Variants in NAV2 observed in about 807,000 individuals in gnomAD.
The protein encoded by NAV2 is helicase, APC down-regulated 1.
NAV2 carries 54 observed loss-of-function variants against 223.2 expected under a neutral mutation model. That is an observed-to-expected ratio of 0.24 (90% CI 0.19 to 0.30). The LOEUF (loss-of-function observed/expected upper bound fraction) is 0.30, where lower values mean the gene tolerates loss of function less well. Among genes scored for constraint, NAV2 ranks in the 10% least tolerant of loss-of-function variants. The pLI, the probability that NAV2 is intolerant of heterozygous loss-of-function variation, is 1.00. For missense variants in NAV2, 2,806 were observed against 3,147.5 expected (o/e 0.89, Z 2.60); for synonymous variants, 1,279 against 1,239.3 (o/e 1.03, Z -0.67).
At chr11:19,659,725 G>A (rs2048224037) in intron 1 of NAV2, among the ~76,000 whole-genome samples, 1 of 152,096 alleles carries the variant, frequency 6.6e-6, no homozygotes, top group Non-Finnish European at 1.5e-5. Flanking sequence ...AGACATTGAA[G>A]ACAAGAGGCT....
intron 1 of NAV2, among the ~76,000 whole-genome samples, chr11:19,823,988 G>GA (rs898162992): frequency 1.3e-5 from 2 of 152,066 alleles, no homozygotes; most frequent in African/African-American, 4.8e-5. Flanking sequence ...AATCTGTTTG[G>GA]AAAAAAATCC....
intron 5 of NAV2, 77 bp downstream of exon 5, chr11:19,880,204 G>T: frequency 6.9e-7 from 1 of 1,454,500 alleles, no homozygotes; most frequent in Non-Finnish European, 9.1e-7. Context: ...AGGCTATCCT[G>T]TATGGCTTTT....
intron 1 of NAV2, among the ~76,000 whole-genome samples, chr11:19,460,103 T>C (rs550627043): frequency 7.9e-5 from 12 of 152,372 alleles, no homozygotes; most frequent in Middle Eastern, 3.4e-3. Flanking sequence ...CTGAAAGGAA[T>C]AGTGTGATTT....
rs868088248 is a variant in NAV2 at position 19,888,442 on chromosome 11, T to G, written c.771-3992T>G. ...TTCTAATGCTCCAGATGGCAGATGCTTCCAGACTGGAGGTTGATAGACATT... is the reference window on the plus strand; with the variant it reads ...TTCTAATGCTCCAGATGGCAGATGCGTCCAGACTGGAGGTTGATAGACATT... On this transcript the variant is annotated intron_variant, in intron 5 of 37. Coordinates refer to ENST00000349880, the MANE Select transcript of NAV2 (RefSeq NM_145117.5). 3.9e-5 allele frequency among the ~76,000 whole-genome samples: 6 copies of G among 152,278 alleles called. No homozygotes were observed. In the South Asian group the frequency reaches 1.0e-3, roughly 26 times the overall value.
intron 1 of NAV2, among the ~76,000 whole-genome samples, chr11:19,420,660 C>G (rs545072521): frequency 6.6e-6 from 1 of 152,268 alleles, no homozygotes; most frequent in African/African-American, 2.4e-5. Context: ...TCCATACGTA[C>G]GATTTCACTT....
chr11:19,921,734 C>T (rs2044288625), intron 6 of NAV2, among the ~76,000 whole-genome samples: 1 of 152,116 alleles, frequency 6.6e-6, no homozygotes, highest in Admixed American at 6.6e-5. Flanking sequence ...TCTTGGGTAA[C>T]TTACTTAACC....
intron 12 of NAV2, among the ~76,000 whole-genome samples, chr11:20,043,651 A>C (rs2057160985): frequency 6.6e-6 from 1 of 152,186 alleles, no homozygotes; most frequent in South Asian, 2.1e-4. Context: ...CATGATGCCC[A>C]GGCTGGTCTT....
Position 19,862,491 on chromosome 11 carries a change from T to G in NAV2, c.439-6434T>G, listed in dbSNP as rs2061847941. ...TGGGACAGAGTCACGGAGCCCCTCTTATGACAGGACGAAGTTGGCTTTCTT... is the reference window on the plus strand; with the variant it reads ...TGGGACAGAGTCACGGAGCCCCTCTGATGACAGGACGAAGTTGGCTTTCTT... On this transcript the variant is annotated intron_variant, in intron 3 of 37. Transcript: ENST00000349880. 2.0e-5 allele frequency among the ~76,000 whole-genome samples: 3 copies of G among 152,224 alleles called. No homozygotes were observed. The South Asian group carries it at 6.2e-4, about 32-fold the overall frequency.
intron 1 of NAV2, among the ~76,000 whole-genome samples, chr11:19,470,737 C>A (rs752324277): frequency 1.3e-5 from 2 of 152,138 alleles, no homozygotes; most frequent in Non-Finnish European, 2.9e-5. Flanking sequence ...TGGGGACTGG[C>A]AAAAGCAATA....
intron 8 of NAV2, among the ~76,000 whole-genome samples, chr11:19,940,917 G>A (rs570769945): frequency 3.3e-5 from 5 of 152,310 alleles, no homozygotes; most frequent in East Asian, 1.9e-4. Context: ...TGGATAGCAC[G>A]GGAAAAGGAC....
intron 1 of NAV2, among the ~76,000 whole-genome samples, chr11:19,452,685 GTATC>G (rs1396928866): frequency 2.6e-5 from 4 of 152,176 alleles, no homozygotes; most frequent in African/African-American, 9.7e-5. Context: ...TTGGGCAAAA[GTATC>G]TAACACAAAG....
intron 1 of NAV2, among the ~76,000 whole-genome samples, chr11:19,601,649 A>G (rs1164321765): frequency 1.3e-5 from 2 of 152,140 alleles, no homozygotes; most frequent in African/African-American, 2.4e-5. Context: ...ACTGGCATGC[A>G]AACATTGCTA....
intron 1 of NAV2, among the ~76,000 whole-genome samples, chr11:19,767,280 G>A (rs2055307839): frequency 6.6e-6 from 1 of 152,178 alleles, no homozygotes; most frequent in Non-Finnish European, 1.5e-5. Context: ...CATAACAGGA[G>A]GGAAAATGCA....
rs534992285 is a variant in NAV2, at chr11:20,006,617, GT to G, written c.2768+22371del. Among the ~76,000 whole-genome samples, 595 of 152,286 alleles carry G rather than the reference GT, an allele frequency of 3.9e-3. 1 individual carries two copies. Among genetic ancestry groups the G allele is most frequent in the African/African-American group, 0.014 (579 of 41,564 alleles). ...TTGAACCCGGGAGGCGGAGGTTGCAGTGAGCCAAGATCGCACCATTGCACTC... is the reference window on the plus strand; with the variant it reads ...TTGAACCCGGGAGGCGGAGGTTGCAGGAGCCAAGATCGCACCATTGCACTC... On this transcript the variant is annotated intron_variant, in intron 11 of 37. Coordinates refer to ENST00000349880, the MANE Select transcript of NAV2 (RefSeq NM_145117.5).
intron 6 of NAV2, among the ~76,000 whole-genome samples, 185 bp from the exon 7 acceptor site, chr11:19,932,991 A>G (rs2045527520): frequency 6.6e-6 from 1 of 152,226 alleles, no homozygotes; most frequent in Admixed American, 6.5e-5. Context: ...ACTGTGCAGT[A>G]TGGAAAGCAG....
At chr11:20,095,821 C>T (rs766515720) in intron 30 of NAV2, 54 bp downstream of exon 30, 1 of 1,331,698 alleles carries the variant, frequency 7.5e-7, no homozygotes, top group Non-Finnish European at 1.1e-6. Flanking sequence ...GGCATCCGGG[C>T]CTGGGGAGGA....
At chr11:19,572,779 G>A (rs2045462515) in intron 1 of NAV2, among the ~76,000 whole-genome samples, 1 of 152,190 alleles carries the variant, frequency 6.6e-6, no homozygotes, top group Admixed American at 6.5e-5. Flanking sequence ...TCATAATGGT[G>A]TATATAAAAG....
chr11:20,069,437 C>T (rs550309549), intron 22 of NAV2, among the ~76,000 whole-genome samples: 26 of 152,054 alleles, frequency 1.7e-4, no homozygotes, highest in African/African-American at 6.3e-4. Context: ...CTGAAGTTAG[C>T]AGACACCTCT....
At chr11:19,669,668 C>G (rs2048523461) in intron 1 of NAV2, among the ~76,000 whole-genome samples, 1 of 152,220 alleles carries the variant, frequency 6.6e-6, no homozygotes, top group African/African-American at 2.4e-5. Context: ...CACTAGTGAG[C>G]CTTTGAGCCA....
Sources: gnomAD v4.1 joint callset for allele counts (sites outside exome capture counted in the v4.1 genomes callset) on GRCh38, gnomAD v4.1.1 for gene constraint, MANE v1.5 for transcripts, NCBI Gene and HGNC (gene_info 2026-07-23, HGNC 2026-07-21) for gene names.